The following NEGR1 variants were observed in gnomAD, a reference collection of about 807,000 sequenced individuals.
NEGR1 encodes neuronal growth regulator 1.
NEGR1 carries 10 observed loss-of-function variants against 40.9 expected under a neutral mutation model. The ratio of observed to expected loss-of-function variants is 0.24; its 90% confidence interval spans 0.15 to 0.42. NEGR1 has a LOEUF of 0.42. Among genes scored for constraint, NEGR1 ranks in the 10% least tolerant of loss-of-function variants. The pLI, the probability that NEGR1 is intolerant of heterozygous loss-of-function variation, is 1.00. For missense variants in NEGR1, 352 were observed against 438.9 expected (o/e 0.80, Z 1.77); for synonymous variants, 185 against 166.8 (o/e 1.11, Z -0.84).
At chr1:71,628,122 C>T (rs1036708318) in intron 4 of NEGR1, among the ~76,000 whole-genome samples, 1 of 152,000 alleles carries the variant, frequency 6.6e-6, no homozygotes, top group African/African-American at 2.4e-5. Flanking sequence ...GTCATCTACT[C>T]ACTCTACTTT....
chr1:71,506,827 C>A (rs1368117789), intron 6 of NEGR1, among the ~76,000 whole-genome samples: 2 of 152,026 alleles, frequency 1.3e-5, no homozygotes, highest in East Asian at 1.9e-4. Context: ...ACAAAAAAAA[C>A]CATAATGGTT....
chr1:72,107,551 A>G (rs557938598), intron 1 of NEGR1, among the ~76,000 whole-genome samples: 1 of 151,696 alleles, frequency 6.6e-6, no homozygotes, highest in Admixed American at 6.6e-5. Context: ...TTTAGGCAAA[A>G]AGATGTCACA....
chr1:71,928,373 TATATGTATATATACACAC>T (rs1459898439), intron 2 of NEGR1, among the ~76,000 whole-genome samples: 1 of 143,270 alleles, frequency 7.0e-6, no homozygotes, highest in Admixed American at 7.0e-5. Flanking sequence ...CACATATGTA[TATATGTATATATACACAC>T]ATATGTATAT....
At chr1:72,166,400 T>C in intron 1 of NEGR1, among the ~76,000 whole-genome samples, 1 of 152,066 alleles carries the variant, frequency 6.6e-6, no homozygotes, top group Non-Finnish European at 1.5e-5. Flanking sequence ...AGAACTACCA[T>C]CTGATCCAGC....
At chr1:71,910,391 C>G (rs1348707925) in intron 2 of NEGR1, among the ~76,000 whole-genome samples, 1 of 152,102 alleles carries the variant, frequency 6.6e-6, no homozygotes, top group Non-Finnish European at 1.5e-5. Context: ...TAATAAGTAC[C>G]AACAACCCTC....
At chr1:71,845,019 C>G (rs886453110) in intron 2 of NEGR1, among the ~76,000 whole-genome samples, 6 of 152,100 alleles carry the variant, frequency 3.9e-5, no homozygotes, top group Non-Finnish European at 8.8e-5. Flanking sequence ...ATGAGTTAAT[C>G]TGAGGTCAAG....
intron 6 of NEGR1, chr1:71,407,828 G>C (rs1268936339): frequency 5.1e-6 from 2 of 388,996 alleles, no homozygotes; most frequent in Non-Finnish European, 9.5e-6. Context: ...GAGAATTGGA[G>C]ATGAAGCACA....
At chr1:71,867,332 C>G (rs988969668) in intron 2 of NEGR1, among the ~76,000 whole-genome samples, 1 of 152,184 alleles carries the variant, frequency 6.6e-6, no homozygotes, top group African/African-American at 2.4e-5. Context: ...CGACATTATG[C>G]CACTGAACCG....
chr1:71,917,578 C>T (rs1247632020), intron 2 of NEGR1, among the ~76,000 whole-genome samples: 2 of 151,332 alleles, frequency 1.3e-5, no homozygotes, highest in African/African-American at 2.4e-5. Flanking sequence ...ATCACGAGGT[C>T]AGCAAATCGA....
At chr1:72,205,842 C>A (rs1196229970) in intron 1 of NEGR1, among the ~76,000 whole-genome samples, 1 of 149,360 alleles carries the variant, frequency 6.7e-6, no homozygotes, top group Non-Finnish European at 1.5e-5. Context: ...ACTCAGGAGG[C>A]CAAGTTGGGA....
chr1:72,209,521 A>T (rs1489894152), intron 1 of NEGR1, among the ~76,000 whole-genome samples: 2 of 151,752 alleles, frequency 1.3e-5, no homozygotes, highest in Non-Finnish European at 3.0e-5. Flanking sequence ...TAGAACTCTG[A>T]ACACCTATCC....
At chr1:71,884,226 G>GC (rs1553172365) in intron 2 of NEGR1, among the ~76,000 whole-genome samples, 2 of 151,562 alleles carry the variant, frequency 1.3e-5, no homozygotes, top group East Asian at 3.9e-4. Context: ...AATTGTGTTT[G>GC]TTTTTTTTCC....
chr1:71,614,845 A>T (rs1176369402), intron 4 of NEGR1, among the ~76,000 whole-genome samples: 1 of 152,254 alleles, frequency 6.6e-6, no homozygotes, highest in Admixed American at 6.5e-5. Flanking sequence ...CAGTGTACAT[A>T]CGGCTCAGTA....
intron 1 of NEGR1, among the ~76,000 whole-genome samples, chr1:72,104,312 T>C (rs1281413191): frequency 6.6e-6 from 1 of 152,110 alleles, no homozygotes; most frequent in Non-Finnish European, 1.5e-5. Flanking sequence ...AATGTAATCA[T>C]AAAAGTTTTT....
intron 1 of NEGR1, among the ~76,000 whole-genome samples, chr1:72,076,987 T>G (rs916560093): frequency 7.5e-6 from 1 of 133,632 alleles, no homozygotes; most frequent in East Asian, 2.3e-4. Flanking sequence ...CTCCGCCCCC[T>G]GGGTTCAAGT....
At chr1:71,965,609 T>G (rs930924594) in intron 1 of NEGR1, among the ~76,000 whole-genome samples, 3 of 152,184 alleles carry the variant, frequency 2.0e-5, no homozygotes, top group African/African-American at 4.8e-5. Flanking sequence ...AAAAACTGGT[T>G]TGCACCTCTA....
At chr1:71,596,541 G>T (rs1649719221) in intron 5 of NEGR1, among the ~76,000 whole-genome samples, 1 of 152,132 alleles carries the variant, frequency 6.6e-6, no homozygotes, top group African/African-American at 2.4e-5. Flanking sequence ...CCTCCCTCCA[G>T]GCAGCAGCTA....
chr1:72,100,101 T>C (rs544253997), intron 1 of NEGR1, among the ~76,000 whole-genome samples: 1 of 152,260 alleles, frequency 6.6e-6, no homozygotes, highest in African/African-American at 2.4e-5. Context: ...AAGTAACTTT[T>C]TAAAATGCAC....
At chr1:71,430,851 C>T (rs1421166780) in intron 6 of NEGR1, among the ~76,000 whole-genome samples, 1 of 151,650 alleles carries the variant, frequency 6.6e-6, no homozygotes, top group East Asian at 2.0e-4. Flanking sequence ...GCTCCGTCTC[C>T]CGGGTTCACG....
Sources: allele counts gnomAD v4.1 joint callset (sites outside exome capture counted in the v4.1 genomes callset), GRCh38; gene constraint gnomAD v4.1.1; transcripts MANE v1.5; gene names NCBI Gene and HGNC (gene_info 2026-07-23, HGNC 2026-07-21).